PDSS2: variants seen among roughly 807,000 people sequenced by gnomAD.
PDSS2 encodes the protein decaprenyl diphosphate synthase subunit 2, also known as all trans-polyprenyl-diphosphate synthase PDSS2.
In PDSS2, 31 loss-of-function variants were observed where a neutral mutation model predicts 44.5. The ratio of observed to expected loss-of-function variants is 0.70; its 90% confidence interval spans 0.52 to 0.94. PDSS2 has a LOEUF of 0.94. PDSS2 is among the 40% of genes least tolerant of loss of function. The pLI is 0.00. For missense variants in PDSS2, 452 were observed against 482.2 expected (o/e 0.94, Z 0.59); for synonymous variants, 157 against 180.3 (o/e 0.87, Z 1.03).
intron 6 of PDSS2, among the ~76,000 whole-genome samples, chr6:107,199,356 A>T (rs1772689915): frequency 6.6e-6 from 1 of 152,242 alleles, no homozygotes; most frequent in Non-Finnish European, 1.5e-5. Flanking sequence ...GGCTGAGTGC[A>T]GTGCTGTAAT....
intron 2 of PDSS2, among the ~76,000 whole-genome samples, chr6:107,290,867 T>C (rs952444587): frequency 1.3e-5 from 2 of 152,196 alleles, no homozygotes; most frequent in Non-Finnish European, 2.9e-5. Flanking sequence ...TACTAGCTTT[T>C]TTCCCCCCAC....
intron 1 of PDSS2, among the ~76,000 whole-genome samples, chr6:107,409,231 C>T (rs1780415296): frequency 6.6e-6 from 1 of 152,158 alleles, no homozygotes; most frequent in Non-Finnish European, 1.5e-5. Context: ...AACCTGTTCC[C>T]TATGCCATGA....
intron 7 of PDSS2, among the ~76,000 whole-genome samples, chr6:107,184,138 G>C (rs1772084253): frequency 6.6e-6 from 1 of 152,140 alleles, no homozygotes; most frequent in Non-Finnish European, 1.5e-5. Context: ...CAGGGTAGGA[G>C]ATGCAGCATC....
chr6:107,388,653 T>C (rs1014743845), intron 1 of PDSS2, among the ~76,000 whole-genome samples: 4 of 152,062 alleles, frequency 2.6e-5, no homozygotes, highest in Non-Finnish European at 4.4e-5. Flanking sequence ...AGAGACGGGG[T>C]TTCACCGTGT....
chr6:107,311,804 T>C (rs951889194), intron 2 of PDSS2, among the ~76,000 whole-genome samples: 2 of 152,238 alleles, frequency 1.3e-5, no homozygotes, highest in Non-Finnish European at 2.9e-5. Context: ...AAAGAGGCTG[T>C]GACTATTGAC....
chr6:107,405,771 C>T (rs1053667754), intron 1 of PDSS2, among the ~76,000 whole-genome samples: 14 of 148,320 alleles, frequency 9.4e-5, no homozygotes, highest in Admixed American at 3.4e-4. Context: ...GGCATGAACC[C>T]GGGAGGCGGA....
Position 107,459,006 on chromosome 6 carries a change from G to C in PDSS2, c.280C>G (p.Leu94Val), listed in dbSNP as rs1188295669. ...GTAGCTCACCTGGCTGTGGTAAGCA[G>C]AGGGTGCTGAGTGCCCACCAGCTTC... is the stretch of plus-strand genomic sequence containing the variant. ...VRKLVGTQHP[L>V]LTTARGLVHD... The change falls in exon 1 of 8, where the codon CTG becomes GTG. Residue 94 changes from leucine to valine, a missense_variant. Transcript: ENST00000369037. This position sits in a 1 kb window ranked among gnomAD's most constrained non-coding sequence, Gnocchi z 4.3. 4.3e-6 allele frequency: 7 copies of C among 1,614,038 alleles called. 1 individual carries two copies. The South Asian group carries it at 6.6e-5, about 15-fold the overall frequency.
intron 3 of PDSS2, among the ~76,000 whole-genome samples, chr6:107,258,586 G>T (rs1202171613): frequency 6.6e-6 from 1 of 152,204 alleles, no homozygotes; most frequent in African/African-American, 2.4e-5. Flanking sequence ...CAGATCACCT[G>T]AGGTCAGGAG....
At chr6:107,220,169 A>T (rs1005578200) in intron 4 of PDSS2, among the ~76,000 whole-genome samples, 1 of 152,138 alleles carries the variant, frequency 6.6e-6, no homozygotes, top group African/African-American at 2.4e-5. Context: ...TCACTTGATA[A>T]AAGTTACTAA....
At chr6:107,453,956 T>C (rs1411100580) in intron 1 of PDSS2, among the ~76,000 whole-genome samples, 1 of 152,178 alleles carries the variant, frequency 6.6e-6, no homozygotes, top group African/African-American at 2.4e-5. Flanking sequence ...TGGTAGCTCA[T>C]TAACCACAAG....
intron 1 of PDSS2, among the ~76,000 whole-genome samples, chr6:107,417,463 T>C (rs1409330585): frequency 2.6e-5 from 4 of 151,968 alleles, no homozygotes; most frequent in African/African-American, 7.2e-5. Flanking sequence ...ATCTATCTAA[T>C]AAACAAAAAT....
At chr6:107,176,481 A>G (rs1771794154) in intron 7 of PDSS2, among the ~76,000 whole-genome samples, 1 of 151,458 alleles carries the variant, frequency 6.6e-6, no homozygotes, top group Non-Finnish European at 1.5e-5. Flanking sequence ...TGTTTAGTAT[A>G]GTTTTTCTTG....
chr6:107,190,368 G>A (rs1332359338), intron 7 of PDSS2, among the ~76,000 whole-genome samples: 2 of 152,066 alleles, frequency 1.3e-5, no homozygotes, highest in African/African-American at 2.4e-5. Flanking sequence ...TACTGCGTGT[G>A]TTTTCTATTT....
chr6:107,388,736 G>A (rs1202462001), intron 1 of PDSS2, among the ~76,000 whole-genome samples: 2 of 152,208 alleles, frequency 1.3e-5, no homozygotes, highest in Non-Finnish European at 2.9e-5. Context: ...GGGATTACAG[G>A]CGTGAGCCAC....
chr6:107,385,890 G>C (rs2500560), intron 1 of PDSS2, among the ~76,000 whole-genome samples: 147,002 of 152,250 alleles, frequency 0.97, 71,187 homozygotes, highest in East Asian at 1. Flanking sequence ...CTTACTGGAA[G>C]AAGGGATATA....
chr6:107,440,168 C>T (rs1174851682), intron 1 of PDSS2, among the ~76,000 whole-genome samples: 2 of 152,150 alleles, frequency 1.3e-5, no homozygotes, highest in Non-Finnish European at 2.9e-5. Flanking sequence ...ACTCCAGTGA[C>T]CCTTTTCATC....
In PDSS2 at chr6:107,159,292, A is replaced by G. The variant is rs868922735; in HGVS notation, c.1042-4515T>C. On this transcript the variant is annotated intron_variant, in intron 7 of 7. Coordinates refer to ENST00000369037, the MANE Select transcript of PDSS2 (RefSeq NM_020381.4). ...CAGTCTTAAGGGAAGGAAGGAAGGA[A>G]GGAGGGAGGGAGGGAGGCGGAAGGG... Among the ~76,000 whole-genome samples, 3 of 123,814 alleles carry G rather than the reference A, an allele frequency of 2.4e-5. No homozygotes were observed. The South Asian group carries it at 9.0e-4, about 37-fold the overall frequency. The allele number at this position is 123,814 out of a possible 152,430, so 81.2% of individuals were successfully genotyped here. A position where few individuals can be genotyped will look rare whatever the true frequency, so the allele number is the denominator to read the frequency against.
intron 2 of PDSS2, among the ~76,000 whole-genome samples, chr6:107,310,956 T>C (rs1777025492): frequency 6.6e-6 from 1 of 151,684 alleles, no homozygotes; most frequent in Non-Finnish European, 1.5e-5. Flanking sequence ...CTCATTCTGT[T>C]GCCCAGGTTG....
At chr6:107,385,232 C>T (rs569018384) in intron 1 of PDSS2, among the ~76,000 whole-genome samples, 2 of 152,102 alleles carry the variant, frequency 1.3e-5, no homozygotes, top group South Asian at 2.1e-4. Flanking sequence ...TAAAAACATC[C>T]TTCTGCCTAT....
Sources: allele counts gnomAD v4.1 joint callset (sites outside exome capture counted in the v4.1 genomes callset), GRCh38; gene constraint gnomAD v4.1.1; non-coding constraint Gnocchi (gnomAD v3.1); transcripts MANE v1.5; gene names NCBI Gene and HGNC (gene_info 2026-07-23, HGNC 2026-07-21).